TMEM156: variants seen among roughly 807,000 people sequenced by gnomAD.
The protein encoded by TMEM156 is transmembrane protein 156.
TMEM156 carries 28 observed loss-of-function variants against 30.5 expected under a neutral mutation model. That is an observed-to-expected ratio of 0.92 (90% confidence interval 0.68 to 1.26). The LOEUF (loss-of-function observed/expected upper bound fraction) is 1.26, where lower values mean the gene tolerates loss of function less well. TMEM156 is among the 50% of genes most tolerant of loss of function. TMEM156 has a pLI of 0.00. For synonymous variants in TMEM156, 137 were observed against 119.9 expected (o/e 1.14, Z -0.93); for missense variants, 351 against 340.6 (o/e 1.03, Z -0.24).
intron 5 of TMEM156, chr4:38,980,807 C>G (rs1339893400): frequency 2.3e-6 from 1 of 430,790 alleles, no homozygotes; most frequent in African/African-American, 2.1e-5. Flanking sequence ...TAGAGGGTGG[C>G]AGGAGAGGCG....
At chr4:38,994,493 T>C (rs1056151836) in intron 2 of TMEM156, among the ~76,000 whole-genome samples, 1 of 152,192 alleles carries the variant, frequency 6.6e-6, no homozygotes, top group Admixed American at 6.5e-5. Flanking sequence ...AGTGTTGGAA[T>C]AGGATTGGAG....
chr4:39,020,939 T>C (rs1714825544), intron 1 of TMEM156, among the ~76,000 whole-genome samples: 1 of 152,218 alleles, frequency 6.6e-6, no homozygotes, highest in Non-Finnish European at 1.5e-5. Flanking sequence ...GGTTCCCTTT[T>C]CTCCACATCT....
At chr4:38,979,542 G>T (rs1723075277) in intron 5 of TMEM156, among the ~76,000 whole-genome samples, 1 of 152,204 alleles carries the variant, frequency 6.6e-6, no homozygotes, top group Non-Finnish European at 1.5e-5. Flanking sequence ...CTCCCAGGGG[G>T]CATGCACAGA....
chr4:39,006,960 A>AAAAAAC (rs1186084254), intron 1 of TMEM156, among the ~76,000 whole-genome samples: 3 of 152,058 alleles, frequency 2.0e-5, no homozygotes. Flanking sequence ...CAAACAAACA[A>AAAAAAC]AAAAACAAAA....
chr4:39,016,937 C>A (rs1265611371), intron 1 of TMEM156, among the ~76,000 whole-genome samples: 1 of 152,050 alleles, frequency 6.6e-6, no homozygotes, highest in East Asian at 1.9e-4. Flanking sequence ...GAAGGAAGAG[C>A]AAAGAGATGT....
chr4:38,995,078 T>G (rs1298800475), intron 2 of TMEM156, among the ~76,000 whole-genome samples: 1 of 152,214 alleles, frequency 6.6e-6, no homozygotes, highest in Non-Finnish European at 1.5e-5. Context: ...ACCTTTGGCA[T>G]TCATTGACTT....
intron 3 of TMEM156, among the ~76,000 whole-genome samples, chr4:38,992,706 T>TATATAATATATA (rs1712578169): frequency 6.2e-5 from 3 of 48,518 alleles, no homozygotes; most frequent in African/African-American, 1.9e-4. Flanking sequence ...ATATAATATA[T>TATATAATATATA]ATATATTATA....
intron 1 of TMEM156, among the ~76,000 whole-genome samples, chr4:39,003,981 C>T (rs11096969): frequency 0.53 from 80,705 of 151,918 alleles, 21,506 homozygotes; most frequent in East Asian, 0.66. Context: ...TTCGTGATGA[C>T]TTTTAAACCT....
chr4:39,012,130 C>T (rs1272346233), intron 1 of TMEM156, among the ~76,000 whole-genome samples: 2 of 152,130 alleles, frequency 1.3e-5, no homozygotes, highest in African/African-American at 4.8e-5. Context: ...ATAATATATC[C>T]ATGTAACAAA....
chr4:39,017,300 G>A lies in TMEM156; in HGVS notation c.88+14926C>T, dbSNP rs981369567. ...CACCATTCTCCTGCCTCAGCCTCCC[G>A]AGTAGCTGGGACTACAGGTGCCCGC... On this transcript the variant is annotated intron_variant, in intron 1 of 6. Coordinates refer to ENST00000381938, the MANE Select transcript of TMEM156 (RefSeq NM_024943.3). Among the ~76,000 whole-genome samples, 34 of 142,972 alleles carry A rather than the reference G, an allele frequency of 2.4e-4. 1 individual carries two copies. Among genetic ancestry groups the A allele is most frequent in the Admixed American group, 1.9e-3 (25 of 13,462 alleles). 93.8% of individuals were successfully genotyped at this position (142,972 alleles called of 152,430 possible). A position where few individuals can be genotyped will look rare whatever the true frequency, so the allele number is the denominator to read the frequency against.
intron 1 of TMEM156, among the ~76,000 whole-genome samples, chr4:39,016,234 A>G (rs1462147636): frequency 1.3e-5 from 2 of 152,076 alleles, no homozygotes; most frequent in Non-Finnish European, 2.9e-5. Context: ...TTAGCCGGGC[A>G]TAGTGGTGTG....
At chr4:39,014,125 C>A (rs1210387848) in intron 1 of TMEM156, among the ~76,000 whole-genome samples, 1 of 152,076 alleles carries the variant, frequency 6.6e-6, no homozygotes, top group Non-Finnish European at 1.5e-5. Flanking sequence ...TTCTTTATTT[C>A]CCAACCATTT....
At chr4:38,999,872 C>A (rs1210303352) in intron 1 of TMEM156, among the ~76,000 whole-genome samples, 1 of 152,158 alleles carries the variant, frequency 6.6e-6, no homozygotes. Flanking sequence ...CATCTCAAGA[C>A]CTTCAACTTA....
At chr4:38,967,918 A>G (rs1042302566) in intron 6 of TMEM156, among the ~76,000 whole-genome samples, 1 of 152,228 alleles carries the variant, frequency 6.6e-6, no homozygotes, top group Non-Finnish European at 1.5e-5. Flanking sequence ...GGATTGCTAA[A>G]TGGAACAGTA....
At chr4:38,983,821 T>A (rs1711757668) in intron 5 of TMEM156, among the ~76,000 whole-genome samples, 1 of 152,260 alleles carries the variant, frequency 6.6e-6, no homozygotes, top group African/African-American at 2.4e-5. Flanking sequence ...AAAGTGGAAT[T>A]CTATGCCCTG....
rs137856529 is a variant in TMEM156, at chr4:38,988,923, C to T, written c.667G>A (p.Val223Ile). Residue 223 changes from valine (V) to isoleucine (I), a missense_variant, in exon 4 of 7, where the codon GTT becomes ATT. Val to Ile is a conservative substitution (Grantham distance 29). Coordinates refer to ENST00000381938, the MANE Select transcript of TMEM156 (RefSeq NM_024943.3). ...KITWYILVLL[V>I]FIFLIILTIR... ...GTGAGGATGATCAAAAATATAAAAACTAATAGAACTAAAATATACCAAGTG... is the reference window on the plus strand; with the variant it reads ...GTGAGGATGATCAAAAATATAAAAATTAATAGAACTAAAATATACCAAGTG... The T allele has an allele frequency of 2.4e-5, 39 of 1,613,004 alleles. No individual in the cohort carries two copies. Among genetic ancestry groups the T allele is most frequent in the Non-Finnish European group, 3.3e-5 (39 of 1,179,132 alleles).
intron 1 of TMEM156, among the ~76,000 whole-genome samples, chr4:39,016,584 T>C (rs1318545226): frequency 2.0e-5 from 3 of 152,180 alleles, no homozygotes; most frequent in Non-Finnish European, 4.4e-5. Flanking sequence ...TTTAAACAGA[T>C]AGTATTTTTT....
intron 5 of TMEM156, chr4:38,981,084 A>AT (rs757165572): frequency 2.4e-4 from 59 of 244,954 alleles, no homozygotes; most frequent in Non-Finnish European, 3.4e-4. Flanking sequence ...CCAAATCTGT[A>AT]TTTTAAGAGT....
At position 39,032,233 on chromosome 4, in the gene TMEM156, T is replaced by G; in HGVS notation, c.81A>C (p.Thr27=). 6.3e-7 allele frequency: 1 copy of G among 1,590,396 alleles called. No individual in the cohort carries two copies. Among genetic ancestry groups the G allele is most frequent in the African/African-American group, 1.3e-5 (1 of 74,556 alleles). The part of the protein sequence containing the change: ...FILILPEYFK[T]PKERTLELSC... The stretch of plus-strand genomic sequence containing the variant: ...TTACAATTATATACTCACCTTTCGG[T>G]GTCTTGAAATATTCCGGCAAAATTA... Residue 27 remains threonine, a synonymous_variant, in exon 1 of 7, where the codon ACA becomes ACC. Transcript: ENST00000381938.
Sources: gnomAD v4.1 joint callset for allele counts (sites outside exome capture counted in the v4.1 genomes callset) on GRCh38, gnomAD v4.1.1 for gene constraint, MANE v1.5 for transcripts, NCBI Gene and HGNC (gene_info 2026-07-23, HGNC 2026-07-21) for gene names.